CSMD3: variants seen among roughly 807,000 people sequenced by gnomAD.
The protein encoded by CSMD3 is CUB and sushi domain-containing protein 3.
CSMD3 carries 177 observed loss-of-function variants against 435.2 expected under a neutral mutation model. The observed-to-expected ratio is 0.41, with a 90% confidence interval of 0.36 to 0.46. CSMD3 has a LOEUF of 0.46. Among genes scored for constraint, CSMD3 ranks in the 20% least tolerant of loss-of-function variants. CSMD3 has a pLI of 0.34. For missense variants in CSMD3, 4,265 were observed against 4,504.6 expected (o/e 0.95, Z 1.52); for synonymous variants, 1,656 against 1,520.5 (o/e 1.09, Z -2.07).
At chr8:112,445,120 G>A (rs914687316) in intron 32 of CSMD3, among the ~76,000 whole-genome samples, 2 of 152,028 alleles carry the variant, frequency 1.3e-5, no homozygotes, top group Non-Finnish European at 2.9e-5. Flanking sequence ...ATGTGTGCCT[G>A]TAATCCCAGC....
intron 10 of CSMD3, among the ~76,000 whole-genome samples, chr8:112,897,664 TTCTCTCTC>T (rs148140086): frequency 0.012 from 1,558 of 135,044 alleles, 15 homozygotes; most frequent in African/African-American, 0.022. Context: ...AAAATACTAT[TTCTCTCTC>T]TCTCTCTCTC....
intron 36 of CSMD3, among the ~76,000 whole-genome samples, chr8:112,386,733 G>A (rs1395234589): frequency 2.6e-5 from 4 of 151,244 alleles, no homozygotes; most frequent in Non-Finnish European, 4.5e-5. Flanking sequence ...TCCTGACCTC[G>A]TGATCCGCCC....
At chr8:113,425,906 C>T (rs942957144) in intron 1 of CSMD3, among the ~76,000 whole-genome samples, 2 of 151,518 alleles carry the variant, frequency 1.3e-5, no homozygotes, top group African/African-American at 4.8e-5. Context: ...AATTTATTTA[C>T]ACAAAACATT....
chr8:112,707,207 C>A (rs2076517280), intron 13 of CSMD3, among the ~76,000 whole-genome samples: 1 of 151,846 alleles, frequency 6.6e-6, no homozygotes, highest in Non-Finnish European at 1.5e-5. Context: ...GGTAAATGAA[C>A]TTATAATTAT....
intron 9 of CSMD3, among the ~76,000 whole-genome samples, chr8:112,922,736 A>G (rs990088661): frequency 1.3e-5 from 2 of 152,068 alleles, no homozygotes; most frequent in African/African-American, 4.8e-5. Flanking sequence ...GTCCCTTAAC[A>G]TGGCATAAAA....
At chr8:112,497,982 A>C (rs1821538058) in intron 30 of CSMD3, among the ~76,000 whole-genome samples, 1 of 152,078 alleles carries the variant, frequency 6.6e-6, no homozygotes, top group South Asian at 2.1e-4. Flanking sequence ...ACCTGGTGGA[A>C]TTGTGTCTAA....
At chr8:112,427,018 A>G (rs1813131910) in intron 32 of CSMD3, among the ~76,000 whole-genome samples, 1 of 152,218 alleles carries the variant, frequency 6.6e-6, no homozygotes, top group East Asian at 1.9e-4. Context: ...TTAAGCAAAT[A>G]TCAATCATAT....
chr8:112,564,600 TC>T (rs1828919769), intron 24 of CSMD3, among the ~76,000 whole-genome samples: 2 of 152,112 alleles, frequency 1.3e-5, no homozygotes, highest in South Asian at 4.1e-4. Flanking sequence ...TGCTGCCACA[TC>T]CAACAACCTG....
chr8:113,077,963 A>T (rs555643765), intron 5 of CSMD3, among the ~76,000 whole-genome samples: 1 of 152,226 alleles, frequency 6.6e-6, no homozygotes, highest in South Asian at 2.1e-4. Context: ...TTAGAAATTA[A>T]ATGTAAACAA....
chr8:112,237,813 G>A (rs1289726114), intron 66 of CSMD3, among the ~76,000 whole-genome samples: 2 of 152,042 alleles, frequency 1.3e-5, no homozygotes, highest in East Asian at 3.9e-4. Context: ...ATGAGACAGT[G>A]CTTCTGTGTT....
chr8:112,420,604 CAT>C (rs963175842), intron 32 of CSMD3, among the ~76,000 whole-genome samples: 25 of 151,758 alleles, frequency 1.6e-4, no homozygotes, highest in African/African-American at 6.1e-4. Context: ...TTTTTAATGA[CAT>C]ATATTTGTGA....
chr8:112,572,499 T>C (rs1469366268), intron 24 of CSMD3, among the ~76,000 whole-genome samples: 3 of 152,126 alleles, frequency 2.0e-5, no homozygotes, highest in African/African-American at 4.8e-5. Context: ...TCAAATTCCC[T>C]TTAAGATCCT....
At chr8:112,405,883 A>G (rs535928009) in intron 35 of CSMD3, among the ~76,000 whole-genome samples, 2 of 152,198 alleles carry the variant, frequency 1.3e-5, no homozygotes, top group East Asian at 3.9e-4. Flanking sequence ...ATAAAAAATA[A>G]TATTTATTTC....
At chr8:112,666,841 C>A (rs1586926341) in intron 16 of CSMD3, among the ~76,000 whole-genome samples, 1 of 152,204 alleles carries the variant, frequency 6.6e-6, no homozygotes, top group South Asian at 2.1e-4. Flanking sequence ...CTTCCATTTT[C>A]CAGAGTCACT....
intron 32 of CSMD3, among the ~76,000 whole-genome samples, chr8:112,432,168 T>C (rs1813788498): frequency 6.6e-6 from 1 of 152,126 alleles, no homozygotes; most frequent in Admixed American, 6.6e-5. Flanking sequence ...CTAAGACTAT[T>C]CCATATGTTA....
chr8:112,810,137 T>C (rs1349983048), intron 12 of CSMD3, among the ~76,000 whole-genome samples: 1 of 152,202 alleles, frequency 6.6e-6, no homozygotes, highest in African/African-American at 2.4e-5. Flanking sequence ...CTTGTTTGTT[T>C]GACTTGTCTG....
intron 1 of CSMD3, among the ~76,000 whole-genome samples, chr8:113,365,814 T>A (rs1375512732): frequency 6.6e-6 from 1 of 152,054 alleles, no homozygotes; most frequent in Non-Finnish European, 1.5e-5. Context: ...AGTCTCAATG[T>A]ATCAGCATAT....
intron 35 of CSMD3, among the ~76,000 whole-genome samples, chr8:112,391,090 T>C (rs1040248168): frequency 6.6e-6 from 1 of 152,204 alleles, no homozygotes; most frequent in Non-Finnish European, 1.5e-5. Flanking sequence ...AAATTTGCCT[T>C]AAAAATAGTT....
At chr8:112,984,476 T>G (rs1003324128) in intron 6 of CSMD3, among the ~76,000 whole-genome samples, 3 of 152,096 alleles carry the variant, frequency 2.0e-5, no homozygotes, top group Non-Finnish European at 2.9e-5. Context: ...AAATCATATA[T>G]TTTAATGTTA....
Sources: allele counts gnomAD v4.1 joint callset (sites outside exome capture counted in the v4.1 genomes callset), GRCh38; gene constraint gnomAD v4.1.1; transcripts MANE v1.5; gene names NCBI Gene and HGNC (gene_info 2026-07-23, HGNC 2026-07-21).